Variants in LRRTM4 observed in about 807,000 individuals in gnomAD.
LRRTM4 encodes leucine-rich repeat transmembrane neuronal protein 4.
In LRRTM4, 25 loss-of-function variants were observed where a neutral mutation model predicts 47.6. That is an observed-to-expected ratio of 0.53 (90% CI 0.38 to 0.73). The LOEUF (loss-of-function observed/expected upper bound fraction) is 0.73, where lower values mean the gene tolerates loss of function less well. Among genes scored for constraint, LRRTM4 ranks in the 30% least tolerant of loss-of-function variants. LRRTM4 has a pLI of 0.00. For synonymous variants in LRRTM4, 311 were observed against 269.5 expected (o/e 1.15, Z -1.51); for missense variants, 638 against 713.4 (o/e 0.89, Z 1.20).
chr2:76,808,413 C>T (rs768022790), intron 3 of LRRTM4, among the ~76,000 whole-genome samples: 5 of 148,900 alleles, frequency 3.4e-5, no homozygotes, highest in Non-Finnish European at 4.4e-5. Context: ...TATTTTCCAA[C>T]TGCATTGAAA....
At chr2:77,240,351 A>G (rs1675223078) in intron 3 of LRRTM4, among the ~76,000 whole-genome samples, 1 of 151,992 alleles carries the variant, frequency 6.6e-6, no homozygotes, top group Non-Finnish European at 1.5e-5. Context: ...CAAGTTAAAC[A>G]TCAATTCATT....
At chr2:77,309,183 G>C (rs1240595476) in intron 3 of LRRTM4, among the ~76,000 whole-genome samples, 5 of 152,096 alleles carry the variant, frequency 3.3e-5, no homozygotes, top group African/African-American at 1.2e-4. Context: ...CTGAAGCACA[G>C]TTCAAATAAT....
Position 76,866,619 on chromosome 2 carries a change from T to G in LRRTM4, c.1552-117703A>C, listed in dbSNP as rs548850250. 1.7e-3 allele frequency among the ~76,000 whole-genome samples: 257 copies of G among 152,266 alleles called. 2 individuals are homozygous for G. The highest frequency in any genetic ancestry group is 5.3e-3 in the African/African-American group (220 of 41,564). On this transcript the variant is annotated intron_variant, in intron 3 of 3. Transcript: ENST00000409884. ...ATGTGTGATGTTGTGTCACATCACT[T>G]TAGGTAACTCTGTCTCCTTGCATTA...
At chr2:76,835,219 AG>A (rs1433677053) in intron 3 of LRRTM4, among the ~76,000 whole-genome samples, 3 of 152,108 alleles carry the variant, frequency 2.0e-5, no homozygotes, top group Non-Finnish European at 4.4e-5. Context: ...GTACAGGTTA[AG>A]TATGTATCCC....
intron 3 of LRRTM4, among the ~76,000 whole-genome samples, chr2:77,255,815 A>T (rs1321921887): frequency 6.6e-6 from 1 of 152,096 alleles, no homozygotes; most frequent in Admixed American, 6.6e-5. Flanking sequence ...TATAGCATTA[A>T]CCAAAAAGTC....
rs75445630 is a variant in LRRTM4, at chr2:76,986,658, T to C, written c.1552-237742A>G. 3.5e-4 allele frequency among the ~76,000 whole-genome samples: 53 copies of C among 151,942 alleles called. No individual in the cohort carries two copies. The East Asian group carries it at 4.9e-3, about 14-fold the overall frequency. ...TAACTGGCACAGCTATCCTGGCACA[T>C]AGAATAAGTTTGGTTGAAAAGAAAA... is the stretch of plus-strand genomic sequence containing the variant. On this transcript the variant is annotated intron_variant, in intron 3 of 3. Transcript: ENST00000409884.
intron 3 of LRRTM4, among the ~76,000 whole-genome samples, chr2:76,843,955 G>A (rs1671764431): frequency 6.9e-6 from 1 of 144,610 alleles, no homozygotes; most frequent in Non-Finnish European, 1.5e-5. Flanking sequence ...AGACTGGAGT[G>A]CAGTGGCGTG....
At chr2:77,323,431 G>T (rs1264922911) in intron 3 of LRRTM4, among the ~76,000 whole-genome samples, 1 of 151,924 alleles carries the variant, frequency 6.6e-6, no homozygotes, top group African/African-American at 2.4e-5. Flanking sequence ...ACATTTTTTT[G>T]GAGTCCACCC....
chr2:77,081,329 A>G (rs1234287619), intron 3 of LRRTM4, among the ~76,000 whole-genome samples: 2 of 151,938 alleles, frequency 1.3e-5, no homozygotes, highest in Non-Finnish European at 2.9e-5. Context: ...TTTAACCTTT[A>G]AAAGTACATT....
intron 3 of LRRTM4, among the ~76,000 whole-genome samples, chr2:77,322,057 T>C (rs548582946): frequency 3.2e-4 from 49 of 152,288 alleles, no homozygotes; most frequent in Non-Finnish European, 6.6e-4. Context: ...ATTTTCCCCA[T>C]TACAAATGCA....
intron 3 of LRRTM4, among the ~76,000 whole-genome samples, chr2:77,299,229 A>G (rs1046990939): frequency 1.4e-4 from 20 of 143,092 alleles, no homozygotes; most frequent in African/African-American, 5.4e-4. Flanking sequence ...TCTTCCTACA[A>G]TCTCTCTCTC....
At chr2:76,901,412 T>A (rs1172212486) in intron 3 of LRRTM4, among the ~76,000 whole-genome samples, 1 of 152,198 alleles carries the variant, frequency 6.6e-6, no homozygotes, top group Non-Finnish European at 1.5e-5. Flanking sequence ...TAGTATTCCA[T>A]GGTCTATATG....
At chr2:77,496,455 T>C (rs968244264) in intron 3 of LRRTM4, among the ~76,000 whole-genome samples, 4 of 151,968 alleles carry the variant, frequency 2.6e-5, no homozygotes, top group African/African-American at 9.6e-5. Context: ...ATGTTAGTAA[T>C]CACCTTTTCA....
At chr2:77,166,331 C>G (rs1344869901) in intron 3 of LRRTM4, among the ~76,000 whole-genome samples, 1 of 152,134 alleles carries the variant, frequency 6.6e-6, no homozygotes, top group African/African-American at 2.4e-5. Context: ...GAAGAACATT[C>G]CATGCTCATG....
At chr2:76,895,836 G>C (rs556029458) in intron 3 of LRRTM4, among the ~76,000 whole-genome samples, 2 of 152,046 alleles carry the variant, frequency 1.3e-5, no homozygotes, top group Non-Finnish European at 2.9e-5. Flanking sequence ...ACACAACCCC[G>C]ATTACTTACC....
At chr2:77,108,622 C>T (rs1212228601) in intron 3 of LRRTM4, among the ~76,000 whole-genome samples, 6 of 142,078 alleles carry the variant, frequency 4.2e-5, no homozygotes, top group East Asian at 2.1e-4. Flanking sequence ...CTCGCTCTGT[C>T]GCCCAGGCTG....
intron 3 of LRRTM4, among the ~76,000 whole-genome samples, chr2:77,450,942 GCATT>G (rs1676231626): frequency 6.6e-6 from 1 of 151,972 alleles, no homozygotes; most frequent in Admixed American, 6.6e-5. Context: ...AATGTATTTA[GCATT>G]CAAAGAGTTC....
chr2:76,892,710 G>A (rs767933953), intron 3 of LRRTM4, among the ~76,000 whole-genome samples: 3 of 151,564 alleles, frequency 2.0e-5, no homozygotes, highest in Non-Finnish European at 3.0e-5. Context: ...AAAGTTGGGC[G>A]ATTAATGTGT....
intron 3 of LRRTM4, among the ~76,000 whole-genome samples, chr2:77,224,629 G>C (rs188148569): frequency 2.6e-4 from 39 of 152,122 alleles, no homozygotes; most frequent in East Asian, 1.4e-3. Flanking sequence ...CATCACTGGC[G>C]GTCAGAGAAA....
Sources: allele counts gnomAD v4.1 joint callset (sites outside exome capture counted in the v4.1 genomes callset), GRCh38; gene constraint gnomAD v4.1.1; transcripts MANE v1.5; gene names NCBI Gene and HGNC (gene_info 2026-07-23, HGNC 2026-07-21).